GPC5: variants seen among roughly 807,000 people sequenced by gnomAD.
The protein encoded by GPC5 is glypican 5.
In GPC5, 47 loss-of-function variants were observed where a neutral mutation model predicts 53.9. The observed-to-expected ratio is 0.87, with a 90% confidence interval of 0.69 to 1.11. The LOEUF (loss-of-function observed/expected upper bound fraction) is 1.11. Among genes scored for constraint, GPC5 ranks in the 50% most tolerant of loss-of-function variants. The pLI is 0.00. For missense variants in GPC5, 748 were observed against 713.1 expected (o/e 1.05, Z -0.56); for synonymous variants, 286 against 263.3 (o/e 1.09, Z -0.84).
At chr13:91,536,617 CA>C (rs1464672082) in intron 2 of GPC5, among the ~76,000 whole-genome samples, 2 of 152,192 alleles carry the variant, frequency 1.3e-5, no homozygotes, top group Non-Finnish European at 2.9e-5. Flanking sequence ...CTTTGACCTC[CA>C]GCATCAGCTT....
Position 91,866,479 on chromosome 13 carries a change from A to G in GPC5, c.1281-41458A>G, listed in dbSNP as rs1007897392. On this transcript the variant is annotated intron_variant, in intron 5 of 7. Transcript: ENST00000377067. ...CTGGTAATGGGTGAGTTCTCGCTCT[A>G]TGAATTCACAAGAGATCTTGTTGTT... 3.9e-5 allele frequency among the ~76,000 whole-genome samples: 6 copies of G among 152,236 alleles called. No individual in the cohort carries two copies. The South Asian group carries it at 6.2e-4, about 16-fold the overall frequency.
chr13:92,255,501 A>C (rs552137141), intron 7 of GPC5, among the ~76,000 whole-genome samples: 1 of 152,294 alleles, frequency 6.6e-6, no homozygotes, highest in African/African-American at 2.4e-5. Context: ...CTTGAAAAAT[A>C]AAAGAGTATT....
rs1378063159 is a variant in GPC5 at position 91,882,622 on chromosome 13, A to AT, written c.1281-25305dup. Among the ~76,000 whole-genome samples, 46 of 67,144 alleles carry AT rather than the reference A, an allele frequency of 6.9e-4. 1 individual carries two copies. In the East Asian group the frequency reaches 7.2e-3, roughly 11 times the overall value. The allele number at this position is 67,144 out of a possible 152,430, so 44.0% of individuals were successfully genotyped here. The stretch of plus-strand genomic sequence containing the variant: ...AAATAGAATAGGGTAATAGAGTTTG[A>AT]TTTTTTTTTTCTTTTCAGCTGAGGT... On this transcript the variant is annotated intron_variant, in intron 5 of 7. Coordinates refer to ENST00000377067, the MANE Select transcript of GPC5 (RefSeq NM_004466.6).
chr13:91,702,313 A>G (rs570871972), intron 3 of GPC5, among the ~76,000 whole-genome samples: 1 of 152,092 alleles, frequency 6.6e-6, no homozygotes, highest in Non-Finnish European at 1.5e-5. Flanking sequence ...TCATTTGTCT[A>G]TTTTTGCTCT....
rs542174441 is a variant in GPC5, at chr13:92,097,665, C to A, written c.1402-47165C>A. Among the ~76,000 whole-genome samples, 6 of 152,246 alleles carry A rather than the reference C, an allele frequency of 3.9e-5. No individual in the cohort carries two copies. In the South Asian group the frequency reaches 6.2e-4, roughly 16 times the overall value. ...GCCCATGATATAAAAGGGAGACACA[C>A]AATATTCTTTGAGAATGTTATATCA... On this transcript the variant is annotated intron_variant, in intron 6 of 7. Coordinates refer to ENST00000377067, the MANE Select transcript of GPC5 (RefSeq NM_004466.6).
At chr13:91,926,720 T>C (rs1017999987) in intron 6 of GPC5, among the ~76,000 whole-genome samples, 4 of 152,170 alleles carry the variant, frequency 2.6e-5, no homozygotes, top group African/African-American at 9.7e-5. Flanking sequence ...CCCTTAGAGA[T>C]GGAGATTGGG....
At chr13:91,770,787 T>C (rs1001685161) in intron 5 of GPC5, among the ~76,000 whole-genome samples, 15 of 151,398 alleles carry the variant, frequency 9.9e-5, no homozygotes, top group African/African-American at 3.6e-4. Flanking sequence ...TTTATATAAT[T>C]TGAATGCTTT....
chr13:91,782,971 T>G (rs947420293), intron 5 of GPC5, among the ~76,000 whole-genome samples: 3 of 152,130 alleles, frequency 2.0e-5, no homozygotes, highest in African/African-American at 7.2e-5. Flanking sequence ...CTAACATTTA[T>G]TCTGTTTGTG....
chr13:92,221,328 T>C (rs1348133337), intron 7 of GPC5, among the ~76,000 whole-genome samples: 56 of 152,224 alleles, frequency 3.7e-4, no homozygotes, highest in Admixed American at 3.7e-3. Flanking sequence ...TTGCTTTGTC[T>C]TATCATATAC....
intron 2 of GPC5, among the ~76,000 whole-genome samples, chr13:91,471,771 G>A (rs941305966): frequency 2.6e-5 from 4 of 151,582 alleles, no homozygotes; most frequent in Admixed American, 2.0e-4. Context: ...TGTTTCTTTG[G>A]ATATTTCATT....
intron 2 of GPC5, among the ~76,000 whole-genome samples, chr13:91,637,359 G>A (rs918339116): frequency 6.6e-5 from 10 of 152,216 alleles, no homozygotes; most frequent in Non-Finnish European, 1.2e-4. Flanking sequence ...ATTCATGCGA[G>A]AGCCTAGAGA....
At chr13:92,110,723 A>C (rs928202120) in intron 6 of GPC5, among the ~76,000 whole-genome samples, 4 of 152,184 alleles carry the variant, frequency 2.6e-5, no homozygotes, top group African/African-American at 4.8e-5. Context: ...AAAATTGTAG[A>C]CTTGACCTCA....
chr13:91,692,874 C>T (rs999949495), intron 2 of GPC5, among the ~76,000 whole-genome samples: 1 of 152,158 alleles, frequency 6.6e-6, no homozygotes, highest in African/African-American at 2.4e-5. Flanking sequence ...GAACTCTTAC[C>T]CTCAGGTGAT....
At chr13:91,763,513 A>AT (rs2037458888) in intron 5 of GPC5, among the ~76,000 whole-genome samples, 1 of 152,202 alleles carries the variant, frequency 6.6e-6, no homozygotes, top group Non-Finnish European at 1.5e-5. Flanking sequence ...GAACTGAAAC[A>AT]TTTGTGCTCA....
At chr13:92,656,561 A>C (rs1388879842) in intron 7 of GPC5, among the ~76,000 whole-genome samples, 1 of 152,222 alleles carries the variant, frequency 6.6e-6, no homozygotes, top group Non-Finnish European at 1.5e-5. Flanking sequence ...TCTGTTATTT[A>C]CATTCAAGTT....
At chr13:92,069,408 ATGTGTGTGTGTGTG>A (rs67467167) in intron 6 of GPC5, among the ~76,000 whole-genome samples, 20 of 143,206 alleles carry the variant, frequency 1.4e-4, no homozygotes, top group African/African-American at 4.8e-4. Context: ...GTGTGCGTGC[ATGTGTGTGTGTGTG>A]TGTGTGTGTG....
At chr13:92,214,550 A>G (rs1327204649) in intron 7 of GPC5, among the ~76,000 whole-genome samples, 1 of 152,162 alleles carries the variant, frequency 6.6e-6, no homozygotes, top group Non-Finnish European at 1.5e-5. Flanking sequence ...GATGTCAACT[A>G]CCACCCTGAT....
intron 7 of GPC5, among the ~76,000 whole-genome samples, chr13:92,766,663 A>G (rs1463214361): frequency 6.6e-6 from 1 of 152,236 alleles, no homozygotes; most frequent in Non-Finnish European, 1.5e-5. Context: ...ACTTCCTTTT[A>G]TCCATCCAGG....
chr13:91,413,398 C>T (rs1594054494), intron 1 of GPC5, among the ~76,000 whole-genome samples: 2 of 151,664 alleles, frequency 1.3e-5, no homozygotes, highest in East Asian at 1.9e-4. Context: ...ATTAACAAAT[C>T]CCAAACAATG....
Sources: allele counts gnomAD v4.1 joint callset (sites outside exome capture counted in the v4.1 genomes callset), GRCh38; gene constraint gnomAD v4.1.1; transcripts MANE v1.5; gene names NCBI Gene and HGNC (gene_info 2026-07-23, HGNC 2026-07-21).